Variants in PLA2R1 observed in about 807,000 individuals in gnomAD.
PLA2R1 encodes the protein secretory phospholipase A2 receptor.
A neutral mutation model predicts 195.9 loss-of-function variants in PLA2R1; 158 were observed. That is an observed-to-expected ratio of 0.81 (90% confidence interval 0.71 to 0.92). The LOEUF is 0.92. Among genes scored for constraint, PLA2R1 ranks in the 40% least tolerant of loss-of-function variants. The probability of loss-of-function intolerance (pLI) is 0.00; values close to 1 mark genes in which losing one functional copy is unlikely to be tolerated. For synonymous variants in PLA2R1, 586 were observed against 598.2 expected (o/e 0.98, Z 0.30); for missense variants, 1,626 against 1,764.6 (o/e 0.92, Z 1.41).
intron 12 of PLA2R1, 87 bp from the exon 13 acceptor site, chr2:159,984,160 C>G: frequency 1.6e-6 from 1 of 613,154 alleles, no homozygotes; most frequent in East Asian, 2.7e-5. Flanking sequence ...GTAATATTAA[C>G]ATAATCATCA....
At chr2:160,009,184 A>G (rs975793377) in intron 10 of PLA2R1, among the ~76,000 whole-genome samples, 2 of 152,258 alleles carry the variant, frequency 1.3e-5, no homozygotes, top group African/African-American at 4.8e-5. Context: ...TTATCATATG[A>G]TCCAGCAATT....
At position 160,028,971 on chromosome 2, in the gene PLA2R1, G is replaced by GA. The variant is rs750281478; in HGVS notation, c.842-9dup. ...TTTTACTGCTCATGTGCTCTGAAAT[G>GA]AAAATTATGGAGCTTCAAAAAAAAA... On this transcript the variant is annotated splice_polypyrimidine_tract_variant and intron_variant, in intron 4 of 29. Transcript: ENST00000283243. The GA allele has an allele frequency of 2.8e-6, 4 of 1,428,454 alleles. No individual in the cohort carries two copies. The South Asian group carries it at 3.4e-5, about 12-fold the overall frequency. 88.5% of individuals were successfully genotyped at this position (1,428,454 alleles called of 1,614,324 possible). A position where few individuals can be genotyped will look rare whatever the true frequency, so the allele number is the denominator to read the frequency against.
At chr2:160,036,058 A>G (rs1263674299) in intron 3 of PLA2R1, among the ~76,000 whole-genome samples, 2 of 152,032 alleles carry the variant, frequency 1.3e-5, no homozygotes, top group East Asian at 3.9e-4. Flanking sequence ...CTCAAATTAA[A>G]TGTTGGAGGC....
chr2:160,031,454 T>C (rs1402911829), intron 4 of PLA2R1, among the ~76,000 whole-genome samples: 2 of 152,196 alleles, frequency 1.3e-5, no homozygotes, highest in African/African-American at 4.8e-5. Flanking sequence ...GTGTACGTAG[T>C]TGTTGTTAAA....
In PLA2R1 at chr2:159,934,400, G is replaced by A. The variant is rs1686716078; in HGVS notation, c.*7378C>T. On this transcript the variant is annotated 3_prime_UTR_variant, in exon 30 of 30. Transcript: ENST00000283243. ...TAATCCTACAGCGGATGGTGTGTTA[G>A]GTAAGTTGGAGACACACAGGGTTTT... 6.6e-6 allele frequency: 1 copy of A among 152,196 alleles called. No homozygotes were observed. Among genetic ancestry groups the A allele is most frequent in the African/African-American group, 2.4e-5 (1 of 41,452 alleles). 9.4% of individuals were successfully genotyped at this position (152,196 alleles called of 1,614,324 possible).
chr2:159,994,151 A>T (rs953223169), intron 11 of PLA2R1, among the ~76,000 whole-genome samples: 12 of 152,140 alleles, frequency 7.9e-5, no homozygotes, highest in South Asian at 2.1e-4. Flanking sequence ...TTTCAAAAAA[A>T]AAAATAAAAT....
chr2:160,047,992 A>ATTGT, intron 1 of PLA2R1, among the ~76,000 whole-genome samples: 1 of 152,150 alleles, frequency 6.6e-6, no homozygotes, highest in South Asian at 2.1e-4. Context: ...TGCCTGGCTA[A>ATTGT]TTGTTTGTTT....
Position 159,941,935 on chromosome 2 carries a change from GC to G in PLA2R1, c.4234del (p.Ala1412ProfsTer38). On this transcript the variant is annotated frameshift_variant, in exon 30 of 30. Coordinates refer to ENST00000283243, the MANE Select transcript of PLA2R1 (RefSeq NM_007366.5). LOFTEE classifies it high-confidence loss of function. The part of the protein sequence containing the change: ...AVVLTLIVIV[A>X]ICTLSFCIYK... ...TATGCAGAAGGAAAGTGTGCAAATGGCCACAATGACTATCAGTGTCAGTACA... is the reference window on the plus strand; with the variant it reads ...TATGCAGAAGGAAAGTGTGCAAATGGCACAATGACTATCAGTGTCAGTACA... 1 of 1,613,766 alleles carries G rather than the reference GC, an allele frequency of 6.2e-7. No homozygotes were observed. The highest frequency in any genetic ancestry group is 8.5e-7 in the Non-Finnish European group (1 of 1,179,756).
intron 11 of PLA2R1, among the ~76,000 whole-genome samples, chr2:159,994,081 A>G (rs1486556794): frequency 6.6e-6 from 1 of 151,112 alleles, no homozygotes; most frequent in Non-Finnish European, 1.5e-5. Context: ...ACAAAAAGAG[A>G]AAAAAAAATG....
chr2:160,047,957 C>A (rs919244158), intron 1 of PLA2R1, among the ~76,000 whole-genome samples: 10 of 152,162 alleles, frequency 6.6e-5, no homozygotes, highest in African/African-American at 2.4e-4. Flanking sequence ...TCCTGAGTAG[C>A]TGGGATTACA....
chr2:160,011,959 CGT>C (rs3838588), intron 10 of PLA2R1, among the ~76,000 whole-genome samples: 83,777 of 151,332 alleles, frequency 0.55, 23,509 homozygotes, highest in East Asian at 0.6. Flanking sequence ...TGTGTGTGTG[CGT>C]GTGTCTGTTT....
Position 160,042,868 on chromosome 2 carries a change from A to C in PLA2R1, c.494-670T>G, listed in dbSNP as rs1206985443. On this transcript the variant is annotated intron_variant, in intron 2 of 29. Transcript: ENST00000283243. ...ATGTGTGAGACAGAGGGAGAGAGAG[A>C]GAGAGAGAGAAAGTGAGAGAGAGGG... 2.0e-5 allele frequency among the ~76,000 whole-genome samples: 3 copies of C among 150,958 alleles called. No homozygotes were observed. In the East Asian group the frequency reaches 5.8e-4, roughly 29 times the overall value.
chr2:159,955,239 A>C lies in PLA2R1; in HGVS notation c.3261T>G (p.Cys1087Trp). ...HFTGKWYFED[C>W]GKEGYGFVCE... ...AAACAAACCCATAGCCTTCCTTTCC[A>C]CAGTCTTCAAAATACCATTTTCCAG... is the stretch of plus-strand genomic sequence containing the variant. Residue 1087 changes from cysteine (C) to tryptophan (W), a missense_variant, in exon 23 of 30, where the codon TGT becomes TGG. Physicochemically the swap from Cys to Trp is radical, Grantham distance 215. Coordinates refer to ENST00000283243, the MANE Select transcript of PLA2R1 (RefSeq NM_007366.5). The C allele has an allele frequency of 6.2e-7, 1 of 1,611,840 alleles. No individual in the cohort carries two copies. The highest frequency in any genetic ancestry group is 8.5e-7 in the Non-Finnish European group (1 of 1,178,682).
At chr2:159,976,409 C>A (rs746929515) in intron 16 of PLA2R1, among the ~76,000 whole-genome samples, 184 bp from the exon 17 acceptor site, 1 of 152,012 alleles carries the variant, frequency 6.6e-6, no homozygotes, top group Non-Finnish European at 1.5e-5. Context: ...TTTCTTTGGT[C>A]TATCTCTTAC....
In PLA2R1 at chr2:160,013,253, T is replaced by C. The variant is rs760354784; in HGVS notation, c.1664+10A>G. On this transcript the variant is annotated intron_variant, in intron 10 of 29. Transcript: ENST00000283243. ...GCCGTCTTGTTTCTGTTAAAAAAAGTTTAATTTACCTGTTTGTAATGGTTA... is the reference window on the plus strand; with the variant it reads ...GCCGTCTTGTTTCTGTTAAAAAAAGCTTAATTTACCTGTTTGTAATGGTTA... 38 of 1,461,932 alleles carry C rather than the reference T, an allele frequency of 2.6e-5. No individual in the cohort carries two copies. In the African/African-American group the frequency reaches 3.8e-4, roughly 14 times the overall value. The allele number at this position is 1,461,932 out of a possible 1,614,324, so 90.6% of individuals were successfully genotyped here. A position where few individuals can be genotyped will look rare whatever the true frequency, so the allele number is the denominator to read the frequency against.
intron 3 of PLA2R1, among the ~76,000 whole-genome samples, chr2:160,034,263 A>G (rs1431017671): frequency 6.6e-6 from 1 of 152,164 alleles, no homozygotes; most frequent in African/African-American, 2.4e-5. Context: ...TGCAACACAC[A>G]TTCCAGAGGT....
At chr2:159,953,319 T>C (rs1042418234) in intron 23 of PLA2R1, among the ~76,000 whole-genome samples, 1 of 152,224 alleles carries the variant, frequency 6.6e-6, no homozygotes, top group Non-Finnish European at 1.5e-5. Flanking sequence ...AGTTTCTTAA[T>C]TTTTTTGGCA....
chr2:159,976,617 T>C (rs1018942915), intron 16 of PLA2R1, 68 bp downstream of exon 16: 3 of 946,536 alleles, frequency 3.2e-6, no homozygotes, highest in African/African-American at 3.3e-5. Context: ...ACATTAATGG[T>C]ATATAATAGC....
intron 3 of PLA2R1, among the ~76,000 whole-genome samples, chr2:160,040,751 G>A (rs142509724): frequency 6.6e-6 from 1 of 152,182 alleles, no homozygotes; most frequent in Non-Finnish European, 1.5e-5. Flanking sequence ...ATAGCTTAGT[G>A]CTTGTTGACT....
Sources: gnomAD v4.1 joint callset for allele counts (sites outside exome capture counted in the v4.1 genomes callset) on GRCh38, gnomAD v4.1.1 for gene constraint, MANE v1.5 for transcripts, NCBI Gene and HGNC (gene_info 2026-07-23, HGNC 2026-07-21) for gene names.